Variants in ZNF678 observed in about 807,000 individuals in gnomAD.
The protein encoded by ZNF678 is zinc finger protein 678, also known as hypothetical protein MGC42493.
A neutral mutation model predicts 3.0 loss-of-function variants in ZNF678; 5 were observed. The observed-to-expected ratio is 1.69, with a 90% CI of 0.88 to 3.56. The LOEUF is 3.56. ZNF678 is among the 30% of genes most tolerant of loss of function. ZNF678 has a pLI of 0.00. For missense variants in ZNF678, 593 were observed against 605.0 expected (o/e 0.98, Z 0.21); for synonymous variants, 218 against 199.6 (o/e 1.09, Z -0.78).
chr1:227,597,242 C>T (rs749885980), intron 1 of ZNF678, among the ~76,000 whole-genome samples: 5 of 152,208 alleles, frequency 3.3e-5, no homozygotes, highest in East Asian at 1.9e-4. Flanking sequence ...ACAGATAGCT[C>T]GTGCTATTGT....
chr1:227,615,880 C>A (rs1476722220), intron 1 of ZNF678, among the ~76,000 whole-genome samples: 5 of 152,190 alleles, frequency 3.3e-5, no homozygotes, highest in Admixed American at 3.3e-4. Flanking sequence ...TCTTTTCTCA[C>A]CATTGGTAAG....
intron 1 of ZNF678, among the ~76,000 whole-genome samples, chr1:227,636,053 G>A (rs577203225): frequency 6.6e-6 from 1 of 152,252 alleles, no homozygotes; most frequent in East Asian, 1.9e-4. Flanking sequence ...TGTAGCAGGA[G>A]CATCGTCTGG....
intron 1 of ZNF678, among the ~76,000 whole-genome samples, chr1:227,616,229 A>T (rs572355625): frequency 1.4e-4 from 21 of 152,288 alleles, no homozygotes; most frequent in African/African-American, 4.3e-4. Context: ...ACCCTTTGGG[A>T]ATCTGGTCAA....
intron 1 of ZNF678, among the ~76,000 whole-genome samples, chr1:227,604,168 T>A (rs548791219): frequency 3.0e-4 from 45 of 152,356 alleles, no homozygotes; most frequent in Admixed American, 3.3e-4. Flanking sequence ...TGAACCAACA[T>A]TTTCATCTCT....
chr1:227,656,123 A>G lies in ZNF678; in HGVS notation c.*295A>G, dbSNP rs1240059082. The G allele has an allele frequency of 4.7e-6, 1 of 214,412 alleles. No individual in the cohort carries two copies. The highest frequency in any genetic ancestry group is 9.2e-6 in the Non-Finnish European group (1 of 108,462). 13.3% of individuals were successfully genotyped at this position (214,412 alleles called of 1,614,324 possible). On this transcript the variant is annotated 3_prime_UTR_variant, in exon 4 of 4. Coordinates refer to ENST00000343776, the MANE Select transcript of ZNF678 (RefSeq NM_001367909.1). ...ATGTGGAAAAACATTTTTTCAAGAT[A>G]TATGCCTTAGAAAACACCAGAGTTT...
chr1:227,614,648 C>T (rs1305440277), intron 1 of ZNF678, among the ~76,000 whole-genome samples: 3 of 152,208 alleles, frequency 2.0e-5, no homozygotes, highest in Non-Finnish European at 2.9e-5. Context: ...TAAAGGCTAG[C>T]GCTTATTCAG....
intron 1 of ZNF678, among the ~76,000 whole-genome samples, chr1:227,617,321 G>A (rs1400916810): frequency 6.6e-6 from 1 of 152,180 alleles, no homozygotes; most frequent in African/African-American, 2.4e-5. Context: ...GGTCCAAGCA[G>A]ATGCTGAAAA....
chr1:227,625,796 G>A (rs1384317354), intron 1 of ZNF678, among the ~76,000 whole-genome samples: 1 of 152,078 alleles, frequency 6.6e-6, no homozygotes, highest in Non-Finnish European at 1.5e-5. Context: ...TTTTTCTCTT[G>A]CCTGATCTTG....
In ZNF678 at chr1:227,625,117, T is replaced by C. The variant is rs568853028; in HGVS notation, c.-163-21427T>C. Among the ~76,000 whole-genome samples the C allele has an allele frequency of 3.9e-5, 6 of 152,356 alleles. No homozygotes were observed. The East Asian group carries it at 9.6e-4, about 24-fold the overall frequency. ...TGACTATTTCTTTATCTCCCACTTT[T>C]AGCCTAATTGATATTTTAGTGAGCT... On this transcript the variant is annotated intron_variant, in intron 1 of 3. Coordinates refer to ENST00000343776, the MANE Select transcript of ZNF678 (RefSeq NM_001367909.1).
chr1:227,663,381 A>C (rs759291920), downstream of ZNF678, among the ~76,000 whole-genome samples: 5 of 152,198 alleles, frequency 3.3e-5, no homozygotes, highest in Non-Finnish European at 7.3e-5. Context: ...TTGATTATGA[A>C]ATAACATAAA....
At chr1:227,598,397 AT>A in intron 1 of ZNF678, 1 of 1,430,240 alleles carries the variant, frequency 7.0e-7, no homozygotes, top group Non-Finnish European at 9.1e-7. Context: ...CACTTTCTTT[AT>A]AAGGGAATCC....
At chr1:227,645,174 G>T (rs535506307) in intron 1 of ZNF678, among the ~76,000 whole-genome samples, 13 of 152,284 alleles carry the variant, frequency 8.5e-5, no homozygotes, top group African/African-American at 2.9e-4. Flanking sequence ...TGCATTTCAA[G>T]GTCCTTCTGC....
At chr1:227,582,701 A>G (rs1398752018) in intron 1 of ZNF678, 1 of 155,428 alleles carries the variant, frequency 6.4e-6, no homozygotes, top group Non-Finnish European at 1.4e-5. Context: ...TAAGAGCTTT[A>G]TAATTTTAAC....
chr1:227,656,332 A>G lies in ZNF678; in HGVS notation c.*504A>G, dbSNP rs2102808863. The G allele has an allele frequency of 6.6e-6, 1 of 152,096 alleles. No homozygotes were observed. Among genetic ancestry groups the G allele is most frequent in the South Asian group, 2.1e-4 (1 of 4,832 alleles). 9.4% of individuals were successfully genotyped at this position (152,096 alleles called of 1,614,324 possible). ...AAGTTAAAATAGATAATTTAGTTGT[A>G]TGTAAATTTAAATGAATCAAGAGAT... On this transcript the variant is annotated 3_prime_UTR_variant, in exon 4 of 4. Coordinates refer to ENST00000343776, the MANE Select transcript of ZNF678 (RefSeq NM_001367909.1).
At position 227,655,148 on chromosome 1, in the gene ZNF678, A is replaced by G. The variant is rs1252801363; in HGVS notation, c.898A>G (p.Lys300Glu). Reference sequence around the variant, plus strand: ...ACCCTACAAATGTGAAGAATGTGGCAAAGCCTTTACACAGTTTGCAAGCCT... The same window carrying G: ...ACCCTACAAATGTGAAGAATGTGGCGAAGCCTTTACACAGTTTGCAAGCCT... The part of the protein sequence containing the change: ...EKPYKCEECG[K>E]AFTQFASLTR... The change falls in exon 4 of 4, where the codon AAA (lysine) becomes GAA (glutamate). Residue 300 changes from lysine to glutamate, a missense_variant. Physicochemically the swap from Lys to Glu is moderately conservative, Grantham distance 56. Coordinates refer to ENST00000343776, the MANE Select transcript of ZNF678 (RefSeq NM_001367909.1). 3.7e-6 allele frequency: 6 copies of G among 1,613,154 alleles called. No individual in the cohort carries two copies. Among genetic ancestry groups the G allele is most frequent in the Non-Finnish European group, 5.1e-6 (6 of 1,179,620 alleles).
At chr1:227,626,277 ATTTTCTGGT>A (rs1658413018) in intron 1 of ZNF678, among the ~76,000 whole-genome samples, 1 of 152,150 alleles carries the variant, frequency 6.6e-6, no homozygotes, top group Non-Finnish European at 1.5e-5. Flanking sequence ...TGTCTCCTGG[ATTTTCTGGT>A]TCCTTTGGCA....
chr1:227,598,575 G>C (rs769779638), intron 1 of ZNF678: 6 of 712,084 alleles, frequency 8.4e-6, no homozygotes, highest in Non-Finnish European at 1.4e-5. Flanking sequence ...AGTAAACTGT[G>C]ATTCTGACAA....
rs1659302708 is a variant in ZNF678 at position 227,658,309 on chromosome 1, T to A, written c.*2481T>A. ...AATGAGGTGAACAAACACAGGAAAG[T>A]GCTAGGTTTCCTGGGGGTATAATAG... On this transcript the variant is annotated 3_prime_UTR_variant, in exon 4 of 4. Transcript: ENST00000343776. 11 of 152,064 alleles carry A rather than the reference T, an allele frequency of 7.2e-5. No homozygotes were observed. Among genetic ancestry groups the A allele is most frequent in the Admixed American group, 7.2e-4 (11 of 15,254 alleles). The allele number at this position is 152,064 out of a possible 1,614,324, so 9.4% of individuals were successfully genotyped here.
At chr1:227,614,398 G>A (rs1484799884) in intron 1 of ZNF678, among the ~76,000 whole-genome samples, 21 of 152,168 alleles carry the variant, frequency 1.4e-4, no homozygotes, top group Non-Finnish European at 3.1e-4. Flanking sequence ...GGACTTTGCT[G>A]CCACTTGACT....
Sources: gnomAD v4.1 joint callset for allele counts (sites outside exome capture counted in the v4.1 genomes callset) on GRCh38, gnomAD v4.1.1 for gene constraint, MANE v1.5 for transcripts, NCBI Gene and HGNC (gene_info 2026-07-23, HGNC 2026-07-21) for gene names.